ASTN2: variants seen among roughly 807,000 people sequenced by gnomAD.
The protein encoded by ASTN2 is astrotactin 2.
Under a neutral mutation model 139.8 loss-of-function variants are expected in ASTN2, and 54 were observed. The ratio of observed to expected loss-of-function variants is 0.39; its 90% CI spans 0.31 to 0.48. The LOEUF is 0.48. Among genes scored for constraint, ASTN2 ranks in the 20% least tolerant of loss-of-function variants. The probability of loss-of-function intolerance (pLI) is 0.95; values close to 1 mark genes in which losing one functional copy is unlikely to be tolerated. For missense variants in ASTN2, 1,565 were observed against 1,725.1 expected (o/e 0.91, Z 1.64); for synonymous variants, 756 against 719.5 (o/e 1.05, Z -0.81).
rs141637466 is a variant in ASTN2, at chr9:117,327,434, G to T, written c.443-35921C>A. On this transcript the variant is annotated intron_variant, in intron 1 of 22. Coordinates refer to ENST00000313400, the MANE Select transcript of ASTN2 (RefSeq NM_001365068.1). ...GTAGAAATGCATGGAAGTATATAAA[G>T]CAGGACAGTGGGGGTTACAGTAGAT... 3.3e-5 allele frequency among the ~76,000 whole-genome samples: 5 copies of T among 152,306 alleles called. No individual in the cohort carries two copies. In the East Asian group the frequency reaches 5.8e-4, roughly 18 times the overall value.
chr9:116,565,419 ATATATATATATT>A (rs1360858691), intron 19 of ASTN2, among the ~76,000 whole-genome samples: 3 of 87,052 alleles, frequency 3.4e-5, no homozygotes, highest in African/African-American at 5.2e-5. Context: ...ATATATATAT[ATATATATATATT>A]TATTTATTTA....
intron 6 of ASTN2, among the ~76,000 whole-genome samples, chr9:117,014,149 AAAAC>A (rs1409110891): frequency 6.6e-6 from 1 of 152,094 alleles, no homozygotes. Context: ...AACAAGATGA[AAAAC>A]AAACTGTGTG....
chr9:116,439,054 C>T (rs569478289), intron 22 of ASTN2, among the ~76,000 whole-genome samples: 1 of 152,090 alleles, frequency 6.6e-6, no homozygotes, highest in South Asian at 2.1e-4. Context: ...AATTGAACAA[C>T]ATTGTTTTCT....
intron 13 of ASTN2, among the ~76,000 whole-genome samples, chr9:116,772,031 C>T (rs959860968): frequency 8.5e-5 from 13 of 152,188 alleles, no homozygotes; most frequent in Non-Finnish European, 8.8e-5. Flanking sequence ...GCAGCCATGC[C>T]ATTATATTTA....
At chr9:117,273,908 C>A (rs536893508) in intron 2 of ASTN2, among the ~76,000 whole-genome samples, 2 of 152,278 alleles carry the variant, frequency 1.3e-5, no homozygotes, top group South Asian at 2.1e-4. Context: ...TATGTCACAA[C>A]CTCATTTTTC....
intron 3 of ASTN2, among the ~76,000 whole-genome samples, chr9:117,174,938 T>C (rs12377326): frequency 0.12 from 18,642 of 152,080 alleles, 1,426 homozygotes; most frequent in Middle Eastern, 0.18. Flanking sequence ...TGCTCTGCCA[T>C]CATTTTTCTT....
intron 10 of ASTN2, among the ~76,000 whole-genome samples, chr9:116,887,401 G>T (rs1833640605): frequency 6.6e-6 from 1 of 151,750 alleles, no homozygotes; most frequent in Admixed American, 6.6e-5. Flanking sequence ...CCCCCGAGGA[G>T]AGGCTTTTGG....
intron 10 of ASTN2, among the ~76,000 whole-genome samples, chr9:116,947,103 T>G (rs997596966): frequency 1.3e-5 from 2 of 152,188 alleles, no homozygotes; most frequent in African/African-American, 4.8e-5. Flanking sequence ...ACATTCTACC[T>G]GATGTGTATT....
intron 5 of ASTN2, among the ~76,000 whole-genome samples, chr9:117,063,448 G>C (rs548577967): frequency 6.6e-6 from 1 of 152,248 alleles, no homozygotes; most frequent in South Asian, 2.1e-4. Flanking sequence ...TTTGATAAGG[G>C]GAAACCCATT....
intron 3 of ASTN2, among the ~76,000 whole-genome samples, chr9:117,177,840 C>T (rs1830956374): frequency 6.6e-6 from 1 of 152,160 alleles, no homozygotes; most frequent in African/African-American, 2.4e-5. Context: ...TCCATGCTTC[C>T]TTTAGTGGTA....
intron 3 of ASTN2, among the ~76,000 whole-genome samples, chr9:117,202,730 T>A (rs1419348407): frequency 6.6e-6 from 1 of 152,230 alleles, no homozygotes; most frequent in East Asian, 1.9e-4. Flanking sequence ...CTTCCCTTTG[T>A]AGGTGACCTG....
intron 4 of ASTN2, among the ~76,000 whole-genome samples, chr9:117,139,508 A>G (rs1435798742): frequency 6.6e-6 from 1 of 152,212 alleles, no homozygotes; most frequent in Non-Finnish European, 1.5e-5. Flanking sequence ...CCAAAAACGA[A>G]TTCCATCATT....
rs1230684090 is a variant in ASTN2 at position 117,032,270 on chromosome 9, A to T, written c.1423+7549T>A. 2.0e-5 allele frequency among the ~76,000 whole-genome samples: 3 copies of T among 152,260 alleles called. No individual in the cohort carries two copies. The East Asian group carries it at 5.8e-4, about 29-fold the overall frequency. On this transcript the variant is annotated intron_variant, in intron 6 of 22. Coordinates refer to ENST00000313400, the MANE Select transcript of ASTN2 (RefSeq NM_001365068.1). ...TATATGGAAATATATGATGGAGAGGAATGTACAAGCAAAGGTATATAGAGA... is the reference window on the plus strand; with the variant it reads ...TATATGGAAATATATGATGGAGAGGTATGTACAAGCAAAGGTATATAGAGA...
intron 11 of ASTN2, among the ~76,000 whole-genome samples, chr9:116,839,875 ATTATTATTTT>A (rs1487124591): frequency 1.9e-5 from 2 of 106,028 alleles, no homozygotes; most frequent in African/African-American, 9.2e-5. Flanking sequence ...TATTATTATT[ATTATTATTTT>A]TTTTTTTTTA....
At chr9:116,989,517 C>T (rs986284166) in intron 7 of ASTN2, among the ~76,000 whole-genome samples, 4 of 151,688 alleles carry the variant, frequency 2.6e-5, no homozygotes, top group Admixed American at 6.6e-5. Context: ...TACCATTTTA[C>T]GTAATGTGTA....
At position 117,074,889 on chromosome 9, in the gene ASTN2, C is replaced by T. The variant is rs558310127; in HGVS notation, c.1276+21155G>A. Among the ~76,000 whole-genome samples the T allele has an allele frequency of 3.9e-5, 6 of 152,176 alleles. No homozygotes were observed. In the South Asian group the frequency reaches 1.2e-3, roughly 32 times the overall value. On this transcript the variant is annotated intron_variant, in intron 5 of 22. Coordinates refer to ENST00000313400, the MANE Select transcript of ASTN2 (RefSeq NM_001365068.1). ...CATTTCCTAAGTGAAGACCATGAGA[C>T]ACAGAGGGGTTAAATAACATATCCA...
intron 5 of ASTN2, among the ~76,000 whole-genome samples, chr9:117,049,612 C>T (rs13298897): frequency 0.15 from 23,424 of 152,156 alleles, 1,950 homozygotes; most frequent in African/African-American, 0.18. Context: ...GCAGGGGTTA[C>T]CCTTCATTTA....
intron 19 of ASTN2, among the ~76,000 whole-genome samples, chr9:116,514,046 G>A (rs1295835510): frequency 6.6e-6 from 1 of 151,878 alleles, no homozygotes; most frequent in East Asian, 1.9e-4. Context: ...CTGGTGAGGA[G>A]CTGCGTTCCT....
chr9:117,045,814 C>T (rs961306951), intron 5 of ASTN2, among the ~76,000 whole-genome samples: 4 of 152,054 alleles, frequency 2.6e-5, no homozygotes, highest in African/African-American at 9.7e-5. Context: ...AGACCAGGTC[C>T]TAGGCTGAGA....
Sources: allele counts gnomAD v4.1 joint callset (sites outside exome capture counted in the v4.1 genomes callset), GRCh38; gene constraint gnomAD v4.1.1; transcripts MANE v1.5; gene names NCBI Gene and HGNC (gene_info 2026-07-23, HGNC 2026-07-21).